MYCBP2: variants seen among roughly 807,000 people sequenced by gnomAD.
MYCBP2 encodes MYC binding protein 2.
A neutral mutation model predicts 525.3 loss-of-function variants in MYCBP2; 120 were observed. That is an observed-to-expected ratio of 0.23 (90% CI 0.20 to 0.27). The LOEUF (loss-of-function observed/expected upper bound fraction) is 0.27, where lower values mean the gene tolerates loss of function less well. Ranked by LOEUF, MYCBP2 falls within the 10% of genes least tolerant of loss-of-function variation. The pLI, the probability that MYCBP2 is intolerant of heterozygous loss-of-function variation, is 1.00. For missense variants in MYCBP2, 4,149 were observed against 5,657.1 expected, an observed-to-expected ratio of 0.73 and a Z score of 8.55; for synonymous variants, 1,894 against 1,955.8, an observed-to-expected ratio of 0.97 and a Z score of 0.83.
chr13:77,156,699 A>G (rs1220426095), intron 45 of MYCBP2, among the ~76,000 whole-genome samples: 1 of 152,196 alleles, frequency 6.6e-6, no homozygotes, highest in Non-Finnish European at 1.5e-5. Context: ...TTTCTCAACT[A>G]TCTTCCTCAT....
chr13:77,293,354 T>C (rs1359047418), intron 2 of MYCBP2, among the ~76,000 whole-genome samples: 1 of 152,118 alleles, frequency 6.6e-6, no homozygotes, highest in African/African-American at 2.4e-5. Context: ...CATGAATGTG[T>C]ATCATTATCA....
At chr13:77,218,264 T>C (rs2065087918) in intron 20 of MYCBP2, among the ~76,000 whole-genome samples, 1 of 152,198 alleles carries the variant, frequency 6.6e-6, no homozygotes, top group South Asian at 2.1e-4. Flanking sequence ...CTCTGTATAC[T>C]GACTGGCCTG....
chr13:77,320,394 T>G (rs1286383159), intron 1 of MYCBP2, among the ~76,000 whole-genome samples: 3 of 152,172 alleles, frequency 2.0e-5, no homozygotes, highest in Non-Finnish European at 4.4e-5. Flanking sequence ...TGCTGCTGGA[T>G]TAGGAGAAAC....
intron 69 of MYCBP2, among the ~76,000 whole-genome samples, 185 bp from the exon 70 acceptor site, chr13:77,069,016 A>G (rs700359): frequency 0.73 from 111,197 of 152,094 alleles, 41,892 homozygotes; most frequent in Middle Eastern, 0.84. Flanking sequence ...AGTAAAGCTA[A>G]GGGAGCCACA....
chr13:77,296,990 G>A (rs1173462759), intron 1 of MYCBP2, among the ~76,000 whole-genome samples: 2 of 152,162 alleles, frequency 1.3e-5, no homozygotes, highest in Non-Finnish European at 2.9e-5. Context: ...ATAGTGGGAT[G>A]TTTACAAATG....
At chr13:77,198,006 C>T (rs890760130) in intron 26 of MYCBP2, among the ~76,000 whole-genome samples, 7 of 152,142 alleles carry the variant, frequency 4.6e-5, no homozygotes, top group Non-Finnish European at 1.0e-4. Flanking sequence ...ACGTTGTTCA[C>T]TATTCCGAAA....
intron 17 of MYCBP2, among the ~76,000 whole-genome samples, chr13:77,241,878 TA>T (rs1265434704): frequency 6.6e-6 from 1 of 152,204 alleles, no homozygotes; most frequent in African/African-American, 2.4e-5. Flanking sequence ...GTTAAATGGG[TA>T]AAAGGTTTAT....
At chr13:77,275,414 G>A (rs1350008737) in intron 4 of MYCBP2, among the ~76,000 whole-genome samples, 3 of 151,974 alleles carry the variant, frequency 2.0e-5, no homozygotes, top group African/African-American at 4.8e-5. Context: ...TCTCCTTTCT[G>A]TCTCAGAGCC....
At chr13:77,165,519 T>G (rs1304503145) in intron 41 of MYCBP2, 128 bp from the exon 42 acceptor site, 1 of 675,432 alleles carries the variant, frequency 1.5e-6, no homozygotes, top group African/African-American at 1.9e-5. Context: ...ACTACATAAC[T>G]TAAATAGACT....
At chr13:77,293,471 A>G (rs1349447562) in intron 2 of MYCBP2, among the ~76,000 whole-genome samples, 1 of 152,198 alleles carries the variant, frequency 6.6e-6, no homozygotes, top group Non-Finnish European at 1.5e-5. Flanking sequence ...TAATGCAACA[A>G]ATATACAAGG....
chr13:77,078,916 A>G, intron 65 of MYCBP2, 27 bp from the exon 66 acceptor site: 2 of 1,557,414 alleles, frequency 1.3e-6, no homozygotes, highest in Non-Finnish European at 1.8e-6. Context: ...ACAATAGTTA[A>G]TATGCTATAT....
chr13:77,079,711 C>T (rs1275451127), intron 65 of MYCBP2, among the ~76,000 whole-genome samples: 1 of 152,152 alleles, frequency 6.6e-6, no homozygotes, highest in Non-Finnish European at 1.5e-5. Flanking sequence ...TTTTGAAATA[C>T]TCTATTTGCA....
At chr13:77,259,387 A>G (rs1328008654) in intron 13 of MYCBP2, among the ~76,000 whole-genome samples, 3 of 152,234 alleles carry the variant, frequency 2.0e-5, no homozygotes, top group Non-Finnish European at 4.4e-5. Context: ...GGCAGTATCC[A>G]GGTCTGTCAG....
At chr13:77,168,398 A>G (rs1256356074) in intron 40 of MYCBP2, 30 bp downstream of exon 40, 1 of 1,594,028 alleles carries the variant, frequency 6.3e-7, no homozygotes, top group South Asian at 1.1e-5. Context: ...CAAGTTTTAC[A>G]TTCGAATCAC....
chr13:77,208,081 G>C (rs946570155), intron 23 of MYCBP2, among the ~76,000 whole-genome samples: 22 of 151,784 alleles, frequency 1.4e-4, no homozygotes, highest in Non-Finnish European at 2.8e-4. Context: ...GCAACATGTG[G>C]ATTCAGTAAG....
chr13:77,166,641 T>C (rs1409954000), intron 40 of MYCBP2, 87 bp from the exon 41 acceptor site: 4 of 804,086 alleles, frequency 5.0e-6, no homozygotes, highest in African/African-American at 3.4e-5. Flanking sequence ...TGTGTGTCTA[T>C]GCTTTTATTA....
chr13:77,206,868 G>GT (rs200275406), intron 23 of MYCBP2, 43 bp from the exon 24 acceptor site: 8 of 1,468,640 alleles, frequency 5.4e-6, no homozygotes, highest in East Asian at 4.8e-5. Context: ...ATGTGGTTTT[G>GT]TTTTTAAAAA....
At chr13:77,111,747 C>T (rs2048860688) in intron 55 of MYCBP2, among the ~76,000 whole-genome samples, 2 of 152,084 alleles carry the variant, frequency 1.3e-5, no homozygotes, top group South Asian at 4.1e-4. Context: ...CAACATTCTC[C>T]CTTTCTCCAG....
chr13:77,087,755 TA>T (rs111774023), intron 61 of MYCBP2, 122 bp from the exon 62 acceptor site: 226 of 841,250 alleles, frequency 2.7e-4, no homozygotes, highest in Middle Eastern at 3.6e-4. Context: ...CTTTTTTAAT[TA>T]AAAAAAATGC....
Sources: allele counts gnomAD v4.1 joint callset (sites outside exome capture counted in the v4.1 genomes callset), GRCh38; gene constraint gnomAD v4.1.1; transcripts MANE v1.5; gene names NCBI Gene and HGNC (gene_info 2026-07-23, HGNC 2026-07-21).